Variants in CREG2 observed in about 807,000 individuals in gnomAD.
The protein encoded by CREG2 is cellular repressor of E1A stimulated genes 2, also known as protein CREG2.
CREG2 carries 24 observed loss-of-function variants against 26.2 expected under a neutral mutation model. The observed-to-expected ratio is 0.92, with a 90% CI of 0.66 to 1.29. The LOEUF is 1.29. Ranked by LOEUF, CREG2 falls within the 50% of genes most tolerant of loss-of-function variation. The pLI is 0.00. For synonymous variants in CREG2, 174 were observed against 169.2 expected, an observed-to-expected ratio of 1.03 and a Z score of -0.22; for missense variants, 366 against 398.6, an observed-to-expected ratio of 0.92 and a Z score of 0.70.
chr2:101,352,831 T>A (rs1476404799), intron 3 of CREG2, among the ~76,000 whole-genome samples: 1 of 152,010 alleles, frequency 6.6e-6, no homozygotes, highest in Non-Finnish European at 1.5e-5. Flanking sequence ...CTGTGGGTAG[T>A]CCTAGCTACT....
chr2:101,375,788 G>A (rs1193734845), intron 2 of CREG2: 2 of 154,534 alleles, frequency 1.3e-5, no homozygotes, highest in Non-Finnish European at 2.9e-5. Flanking sequence ...CTAGTGAAAG[G>A]GCTGACAGTG....
In CREG2 at chr2:101,347,935, T is replaced by G. The variant is rs1684328313; in HGVS notation, c.*2988A>C. 1.3e-5 allele frequency: 2 copies of G among 152,226 alleles called. No individual in the cohort carries two copies. The highest frequency in any genetic ancestry group is 4.1e-4 in the South Asian group (2 of 4,834). The allele number at this position is 152,226 out of a possible 1,614,324, so 9.4% of individuals were successfully genotyped here. ...AGATTTTCTATATCCTATAGTTTTATAGTTTTACATTTTATTTTTACAGAT... is the reference window on the plus strand; with the variant it reads ...AGATTTTCTATATCCTATAGTTTTAGAGTTTTACATTTTATTTTTACAGAT... On this transcript the variant is annotated 3_prime_UTR_variant, in exon 4 of 4. Transcript: ENST00000324768.
chr2:101,371,007 T>C (rs1283470296), intron 2 of CREG2, among the ~76,000 whole-genome samples: 1 of 152,084 alleles, frequency 6.6e-6, no homozygotes, highest in Non-Finnish European at 1.5e-5. Context: ...TCCTTCTGAG[T>C]TCCCTCTGCC....
intron 2 of CREG2, among the ~76,000 whole-genome samples, chr2:101,363,347 G>A (rs922441105): frequency 1.3e-5 from 2 of 152,180 alleles, no homozygotes; most frequent in Admixed American, 6.5e-5. Flanking sequence ...CCAATTAAAC[G>A]TGAAGCTTGC....
intron 2 of CREG2, chr2:101,382,778 T>G (rs1458219558): frequency 1.2e-5 from 12 of 985,336 alleles, no homozygotes; most frequent in Non-Finnish European, 1.4e-5. Flanking sequence ...GTTGATTTTC[T>G]AAAGCATCAC....
At chr2:101,358,596 A>G (rs1461841589) in intron 2 of CREG2, among the ~76,000 whole-genome samples, 5 of 152,220 alleles carry the variant, frequency 3.3e-5, no homozygotes, top group Non-Finnish European at 7.3e-5. Flanking sequence ...TACAGCCTTT[A>G]AAATAGATGA....
intron 2 of CREG2, among the ~76,000 whole-genome samples, chr2:101,374,086 C>A (rs1429782233): frequency 6.6e-6 from 1 of 152,100 alleles, no homozygotes; most frequent in Non-Finnish European, 1.5e-5. Flanking sequence ...AACGGCCTGC[C>A]CTGAGTCGTT....
In CREG2 at chr2:101,361,441, G is replaced by A. The variant is rs549981700; in HGVS notation, c.612-6075C>T. ...TCACAAGGATCATTAAGTGGAAAGC[G>A]TTGAAGTGATTTGACTGAGAAAGAC... On this transcript the variant is annotated intron_variant, in intron 2 of 3. Transcript: ENST00000324768. Among the ~76,000 whole-genome samples the A allele has an allele frequency of 1.5e-3, 233 of 152,354 alleles. 3 individuals carry two copies. The highest frequency in any genetic ancestry group is 1.9e-3 in the Non-Finnish European group (129 of 68,040).
chr2:101,372,054 G>GATC (rs767087371), intron 2 of CREG2, among the ~76,000 whole-genome samples: 125 of 152,334 alleles, frequency 8.2e-4, no homozygotes, highest in Non-Finnish European at 1.3e-3. Context: ...ATGATGGGTA[G>GATC]ATGGATGGAA....
chr2:101,370,093 C>T lies in CREG2; in HGVS notation c.611+13440G>A, dbSNP rs575207787. Among the ~76,000 whole-genome samples the T allele has an allele frequency of 4.6e-5, 7 of 152,204 alleles. 1 individual carries two copies. The highest frequency in any genetic ancestry group is 1.7e-4 in the African/African-American group (7 of 41,510). On this transcript the variant is annotated intron_variant, in intron 2 of 3. Transcript: ENST00000324768. ...GAATCCCAGCCCTATGAGGATTTGG[C>T]CTGTGGATCCTTAAGCAAGTCCTTC...
Position 101,387,485 on chromosome 2 carries a change from G to A in CREG2, c.-28C>T. 1.1e-6 allele frequency: 1 copy of A among 909,820 alleles called. No individual in the cohort carries two copies. Among genetic ancestry groups the A allele is most frequent in the Non-Finnish European group, 1.4e-6 (1 of 703,310 alleles). 56.4% of individuals were successfully genotyped at this position (909,820 alleles called of 1,614,324 possible). On this transcript the variant is annotated 5_prime_UTR_variant, in exon 1 of 4. Coordinates refer to ENST00000324768, the MANE Select transcript of CREG2 (RefSeq NM_153836.4). The surrounding 1 kb of genome is among the most constrained non-coding windows in gnomAD (Gnocchi z 4.7). ...TGCAGGCAGCACGCCCGGCCGCCGG[G>A]GCCGCCAGCAGCGCTAGTGCCGGGG...
At chr2:101,366,937 C>T (rs935674584) in intron 2 of CREG2, among the ~76,000 whole-genome samples, 4 of 152,056 alleles carry the variant, frequency 2.6e-5, no homozygotes, top group African/African-American at 9.7e-5. Flanking sequence ...ACTTAAAGTA[C>T]GCAGGAGGAT....
intron 2 of CREG2, among the ~76,000 whole-genome samples, chr2:101,380,142 A>G (rs1418303136): frequency 6.6e-6 from 1 of 152,204 alleles, no homozygotes; most frequent in Non-Finnish European, 1.5e-5. Flanking sequence ...CCATTTATGT[A>G]TCTGCTTATT....
At chr2:101,359,877 G>A (rs971883041) in intron 2 of CREG2, among the ~76,000 whole-genome samples, 1 of 152,172 alleles carries the variant, frequency 6.6e-6, no homozygotes. Flanking sequence ...ATGACTGCCC[G>A]TAGAGACCAT....
intron 2 of CREG2, among the ~76,000 whole-genome samples, chr2:101,376,682 G>A (rs1222306483): frequency 6.6e-6 from 1 of 152,122 alleles, no homozygotes; most frequent in African/African-American, 2.4e-5. Context: ...CTTCTCACAA[G>A]ACTCACAGTA....
intron 2 of CREG2, among the ~76,000 whole-genome samples, chr2:101,355,819 T>A (rs1451801287): frequency 1.3e-5 from 2 of 152,088 alleles, no homozygotes; most frequent in Non-Finnish European, 2.9e-5. Context: ...ATGAACCCTG[T>A]ACCAAGTTGC....
chr2:101,363,696 G>C (rs1684577486), intron 2 of CREG2, among the ~76,000 whole-genome samples: 1 of 152,024 alleles, frequency 6.6e-6, no homozygotes. Context: ...ATAATATAGA[G>C]AAAATTGGCC....
chr2:101,369,018 G>A (rs1386021360), intron 2 of CREG2, among the ~76,000 whole-genome samples: 2 of 152,244 alleles, frequency 1.3e-5, no homozygotes, highest in African/African-American at 4.8e-5. Context: ...GATGTCCGAG[G>A]CTGGAACTGT....
intron 2 of CREG2, among the ~76,000 whole-genome samples, chr2:101,366,332 G>A (rs1013888272): frequency 1.3e-5 from 2 of 152,152 alleles, no homozygotes; most frequent in Non-Finnish European, 2.9e-5. Context: ...TTTTCAGGCT[G>A]TTGATGTCTC....
Sources: gnomAD v4.1 joint callset for allele counts (sites outside exome capture counted in the v4.1 genomes callset) on GRCh38, gnomAD v4.1.1 for gene constraint, Gnocchi (gnomAD v3.1) non-coding constraint, MANE v1.5 for transcripts, NCBI Gene and HGNC (gene_info 2026-07-23, HGNC 2026-07-21) for gene names.